BCAS3: variants seen among roughly 807,000 people sequenced by gnomAD.
BCAS3 encodes the protein BCAS3 microtubule associated cell migration factor, also known as BCAS4/BCAS3 fusion.
BCAS3 carries 53 observed loss-of-function variants against 116.1 expected under a neutral mutation model. The ratio of observed to expected loss-of-function variants is 0.46; its 90% CI spans 0.37 to 0.57. The LOEUF is 0.57. Among genes scored for constraint, BCAS3 ranks in the 20% least tolerant of loss-of-function variants. The pLI is 0.00. For missense variants in BCAS3, 917 were observed against 1,165.4 expected (o/e 0.79, Z 3.10); for synonymous variants, 391 against 408.2 (o/e 0.96, Z 0.51).
In BCAS3 at chr17:61,392,229, C is replaced by T. The variant is rs1002589162; in HGVS notation, c.*104C>T. The T allele has an allele frequency of 1.5e-6, 2 of 1,359,240 alleles. No individual in the cohort carries two copies. Among genetic ancestry groups the T allele is most frequent in the Non-Finnish European group, 2.0e-6 (2 of 999,956 alleles). The allele number at this position is 1,359,240 out of a possible 1,614,324, so 84.2% of individuals were successfully genotyped here. On this transcript the variant is annotated 3_prime_UTR_variant, in exon 24 of 24. Transcript: ENST00000407086. This position sits in a 1 kb window ranked among gnomAD's most constrained non-coding sequence, Gnocchi z 6.4. ...TCAGTCTCTGCTCTTCCTTCATCAA[C>T]CACCTTCCCCAAGCTTAGTGACAGC...
chr17:61,023,561 CAT>C lies in BCAS3; in HGVS notation c.1637+7663_1637+7664del, dbSNP rs2066017404. 6.6e-6 allele frequency among the ~76,000 whole-genome samples: 1 copy of C among 151,996 alleles called. No individual in the cohort carries two copies. Among genetic ancestry groups the C allele is most frequent in the South Asian group, 2.1e-4 (1 of 4,826 alleles). On this transcript the variant is annotated intron_variant, in intron 16 of 23. Coordinates refer to ENST00000407086, the MANE Select transcript of BCAS3 (RefSeq NM_017679.5). This position sits in a 1 kb window ranked among gnomAD's most constrained non-coding sequence, Gnocchi z 4.8. ...ATCAAATCTAGTTTTGCTTTTTTCT[CAT>C]ATTAAAAAAATTCTTCGTGTTTACC...
chr17:60,868,526 G>T, intron 7 of BCAS3, 50 bp from the exon 8 acceptor site: 2 of 1,116,892 alleles, frequency 1.8e-6, no homozygotes, highest in Non-Finnish European at 2.5e-6. Flanking sequence ...GAGATTATTG[G>T]TCTTTCTTTT....
Position 60,938,157 on chromosome 17 carries a change from G to A in BCAS3, c.1088-9062G>A, listed in dbSNP as rs986152047. 1.2e-4 allele frequency among the ~76,000 whole-genome samples: 19 copies of A among 152,282 alleles called. 1 individual carries two copies. Among genetic ancestry groups the A allele is most frequent in the Admixed American group, 1.2e-3 (19 of 15,290 alleles). ...GATCCGCCAGCCTTGGCCTCCCAAA[G>A]TGCTGGAGTTACAGGCGTGAGCCAC... On this transcript the variant is annotated intron_variant, in intron 13 of 23. Coordinates refer to ENST00000407086, the MANE Select transcript of BCAS3 (RefSeq NM_017679.5).
chr17:61,256,501 G>T lies in BCAS3; in HGVS notation c.2426-111826G>T, dbSNP rs2048790451. On this transcript the variant is annotated intron_variant, in intron 22 of 23. Transcript: ENST00000407086. This position sits in a 1 kb window ranked among gnomAD's most constrained non-coding sequence, Gnocchi z 5.6. ...GTATTTTTAGTAGAGACAGGGTTTT[G>T]CCATGTTTGCCAGGCCGGTCTCAAA... Among the ~76,000 whole-genome samples, 1 of 151,792 alleles carries T rather than the reference G, an allele frequency of 6.6e-6. No individual in the cohort carries two copies. Among genetic ancestry groups the T allele is most frequent in the African/African-American group, 2.4e-5 (1 of 41,302 alleles).
chr17:61,239,914 A>G lies in BCAS3; in HGVS notation c.2426-128413A>G, dbSNP rs2083327016. On this transcript the variant is annotated intron_variant, in intron 22 of 23. Coordinates refer to ENST00000407086, the MANE Select transcript of BCAS3 (RefSeq NM_017679.5). The surrounding 1 kb of genome is among the most constrained non-coding windows in gnomAD (Gnocchi z 4.2). ...TATTTTTTTAAAAGAACACTCAGGT[A>G]TGTGAAGCCATAATTGTTGTGTTGG... Among the ~76,000 whole-genome samples the G allele has an allele frequency of 2.0e-5, 3 of 152,350 alleles. No homozygotes were observed. Among genetic ancestry groups the G allele is most frequent in the South Asian group, 4.1e-4 (2 of 4,834 alleles).
chr17:61,049,730 CT>C (rs1027378849), intron 19 of BCAS3, among the ~76,000 whole-genome samples: 12,018 of 120,770 alleles, frequency 0.1, 1,371 homozygotes, highest in African/African-American at 0.38. Context: ...CTTTTCTTTT[CT>C]TTTTTTTTTT....
At chr17:60,802,371 C>CATACATAT (rs1555724685) in intron 6 of BCAS3, among the ~76,000 whole-genome samples, 6 of 111,946 alleles carry the variant, frequency 5.4e-5, no homozygotes, top group African/African-American at 2.3e-4. Context: ...TACATACATA[C>CATACATAT]ATATATATAT....
At chr17:60,757,382 G>A (rs1449286582) in intron 6 of BCAS3, among the ~76,000 whole-genome samples, 1 of 147,772 alleles carries the variant, frequency 6.8e-6, no homozygotes, top group Non-Finnish European at 1.5e-5. Flanking sequence ...CTGCATCCTT[G>A]CCAGCATGTA....
At chr17:60,844,753 A>G (rs1457570906) in intron 7 of BCAS3, among the ~76,000 whole-genome samples, 1 of 152,208 alleles carries the variant, frequency 6.6e-6, no homozygotes, top group Non-Finnish European at 1.5e-5. Context: ...GATGGATATC[A>G]TAAGATTGCA....
rs2081992627 is a variant in BCAS3, at chr17:61,219,553, C to T, written c.2425+134989C>T. On this transcript the variant is annotated intron_variant, in intron 22 of 23. Transcript: ENST00000407086. This position sits in a 1 kb window ranked among gnomAD's most constrained non-coding sequence, Gnocchi z 5.2. The stretch of plus-strand genomic sequence containing the variant: ...TAGTATTGACAGTACCACTGAATTG[C>T]TTGAGGCAGATAGCATCTCAGCGAT... 6.6e-6 allele frequency among the ~76,000 whole-genome samples: 1 copy of T among 152,184 alleles called. No homozygotes were observed. Among genetic ancestry groups the T allele is most frequent in the South Asian group, 2.1e-4 (1 of 4,828 alleles).
At chr17:61,370,546 G>A (rs926837440) in intron 23 of BCAS3, among the ~76,000 whole-genome samples, 4 of 152,050 alleles carry the variant, frequency 2.6e-5, no homozygotes, top group African/African-American at 9.7e-5. Flanking sequence ...CCGCTACCAC[G>A]CCCAGCTAAT....
intron 22 of BCAS3, among the ~76,000 whole-genome samples, chr17:61,164,890 G>T (rs1243477422): frequency 2.0e-5 from 3 of 152,226 alleles, no homozygotes; most frequent in African/African-American, 4.8e-5. Context: ...TCATTCATAA[G>T]CATGTTCTGT....
intron 13 of BCAS3, among the ~76,000 whole-genome samples, chr17:60,927,881 C>G (rs1441649021): frequency 6.6e-6 from 1 of 151,810 alleles, no homozygotes; most frequent in Admixed American, 6.6e-5. Flanking sequence ...ACAAAAAAGC[C>G]CTTATACTAC....
chr17:61,314,984 G>A (rs1055263900), intron 22 of BCAS3, among the ~76,000 whole-genome samples: 4 of 152,184 alleles, frequency 2.6e-5, no homozygotes, highest in African/African-American at 4.8e-5. Context: ...CAGTCACCGC[G>A]CTTGTCTGAT....
chr17:60,781,968 T>TCATTGTCCTCACCATCCTC (rs1337475512), intron 6 of BCAS3, among the ~76,000 whole-genome samples: 1 of 151,692 alleles, frequency 6.6e-6, no homozygotes, highest in Non-Finnish European at 1.5e-5. Context: ...CTGTCTTCTG[T>TCATTGTCCTCACCATCCTC]CATTGTCCTC....
chr17:61,021,881 A>C lies in BCAS3; in HGVS notation c.1637+5980A>C, dbSNP rs2065901282. 6.6e-6 allele frequency among the ~76,000 whole-genome samples: 1 copy of C among 152,200 alleles called. No homozygotes were observed. Among genetic ancestry groups the C allele is most frequent in the Admixed American group, 6.5e-5 (1 of 15,280 alleles). On this transcript the variant is annotated intron_variant, in intron 16 of 23. Coordinates refer to ENST00000407086, the MANE Select transcript of BCAS3 (RefSeq NM_017679.5). This position sits in a 1 kb window ranked among gnomAD's most constrained non-coding sequence, Gnocchi z 4.6. ...TAGGTACACCTTGGCTCAGTTACAC[A>C]GTTTGGCCTGAGCCTTAAACTTTAT...
rs888582081 is a variant in BCAS3, at chr17:61,198,531, G to T, written c.2425+113967G>T. 6.6e-6 allele frequency among the ~76,000 whole-genome samples: 1 copy of T among 152,156 alleles called. No homozygotes were observed. Among genetic ancestry groups the T allele is most frequent in the African/African-American group, 2.4e-5 (1 of 41,430 alleles). ...TATACTAAAACTTTTGGGGGGAAGGGCCATTACCTTAATTTACACAATAGA... is the reference window on the plus strand; with the variant it reads ...TATACTAAAACTTTTGGGGGGAAGGTCCATTACCTTAATTTACACAATAGA... On this transcript the variant is annotated intron_variant, in intron 22 of 23. Transcript: ENST00000407086. This position sits in a 1 kb window ranked among gnomAD's most constrained non-coding sequence, Gnocchi z 5.0.
rs549600118 is a variant in BCAS3, at chr17:61,337,275, T to C, written c.2426-31052T>C. The stretch of plus-strand genomic sequence containing the variant: ...AGAGGCAGTTGCAGGTTCACGTATC[T>C]TGGGAAGTTATTGGTGGAGAGCACT... On this transcript the variant is annotated intron_variant, in intron 22 of 23. Transcript: ENST00000407086. The surrounding 1 kb of genome is among the most constrained non-coding windows in gnomAD (Gnocchi z 4.8). 6.6e-5 allele frequency among the ~76,000 whole-genome samples: 10 copies of C among 152,338 alleles called. No homozygotes were observed. Among genetic ancestry groups the C allele is most frequent in the African/African-American group, 2.4e-4 (10 of 41,586 alleles).
intron 22 of BCAS3, among the ~76,000 whole-genome samples, chr17:61,242,973 G>A (rs1386164907): frequency 6.6e-6 from 1 of 151,380 alleles, no homozygotes; most frequent in East Asian, 1.9e-4. Context: ...GTGCAATGGT[G>A]CGATCTCGGC....
Sources: allele counts gnomAD v4.1 joint callset (sites outside exome capture counted in the v4.1 genomes callset), GRCh38; gene constraint gnomAD v4.1.1; non-coding constraint Gnocchi (gnomAD v3.1); transcripts MANE v1.5; gene names NCBI Gene and HGNC (gene_info 2026-07-23, HGNC 2026-07-21).